CEP85L: variants seen among roughly 807,000 people sequenced by gnomAD.
CEP85L encodes centrosomal protein of 85 kDa-like.
A neutral mutation model predicts 100.3 loss-of-function variants in CEP85L; 60 were observed. The observed-to-expected ratio is 0.60, with a 90% CI of 0.49 to 0.74. The LOEUF (loss-of-function observed/expected upper bound fraction) is 0.74. Ranked by LOEUF, CEP85L falls within the 30% of genes least tolerant of loss-of-function variation. CEP85L has a pLI of 0.00. For missense variants in CEP85L, 973 were observed against 936.2 expected (o/e 1.04, Z -0.51); for synonymous variants, 319 against 322.7 (o/e 0.99, Z 0.12).
At chr6:118,551,878 G>T (rs1166473530) in intron 3 of CEP85L, among the ~76,000 whole-genome samples, 1 of 151,972 alleles carries the variant, frequency 6.6e-6, no homozygotes, top group Non-Finnish European at 1.5e-5. Context: ...GACTCCACTG[G>T]AGTGAACTTT....
chr6:118,651,455 G>A lies in CEP85L; in HGVS notation c.-186C>T, dbSNP rs1268317974. 1.5e-6 allele frequency: 2 copies of A among 1,319,446 alleles called. No homozygotes were observed. The highest frequency in any genetic ancestry group is 1.9e-6 in the Non-Finnish European group (2 of 1,037,856). The allele number at this position is 1,319,446 out of a possible 1,614,324, so 81.7% of individuals were successfully genotyped here. On this transcript the variant is annotated 5_prime_UTR_variant, in exon 1 of 13. Coordinates refer to ENST00000368491, the MANE Select transcript of CEP85L (RefSeq NM_001042475.3). ...GCGCAGGGGCCAGATTCGCCGCACTGCCGGCGCCTGCCATGGCCAAGCCGG... is the reference window on the plus strand; with the variant it reads ...GCGCAGGGGCCAGATTCGCCGCACTACCGGCGCCTGCCATGGCCAAGCCGG...
chr6:118,531,413 A>G (rs559537691), intron 3 of CEP85L, among the ~76,000 whole-genome samples: 82 of 152,316 alleles, frequency 5.4e-4, no homozygotes, highest in Middle Eastern at 3.4e-3. Flanking sequence ...AAAACCCTGG[A>G]GAATAACCTA....
At chr6:118,618,802 T>C (rs555774663) in intron 2 of CEP85L, among the ~76,000 whole-genome samples, 10 of 152,272 alleles carry the variant, frequency 6.6e-5, no homozygotes, top group African/African-American at 2.4e-4. Context: ...AATTCAGAGA[T>C]TCCTCCTTGA....
chr6:118,518,473 C>A (rs1272063767), intron 4 of CEP85L, among the ~76,000 whole-genome samples: 1 of 152,114 alleles, frequency 6.6e-6, no homozygotes, highest in Non-Finnish European at 1.5e-5. Flanking sequence ...GTGTACGTGT[C>A]CAGGAATTTA....
rs71012391 is a variant in CEP85L, at chr6:118,542,900, C to CAAAAAAAAAAAAAAAAAAAAAAAAAAA, written c.1021-18981_1021-18980insTTTTTTTTTTTTTTTTTTTTTTTTTTT. On this transcript the variant is annotated intron_variant, in intron 3 of 12. Transcript: ENST00000368491. ...GAACTTCAACATCACCAAGTTTTCC[C>CAAAAAAAAAAAAAAAAAAAAAAAAAAA]AAAAAAAAAAAAAAAAAAAAAAACA... Among the ~76,000 whole-genome samples the CAAAAAAAAAAAAAAAAAAAAAAAAAAA allele has an allele frequency of 3.3e-4, 22 of 67,158 alleles. 1 individual carries two copies. The highest frequency in any genetic ancestry group is 4.4e-4 in the African/African-American group (8 of 18,234). The allele number at this position is 67,158 out of a possible 152,430, so 44.1% of individuals were successfully genotyped here. A position where few individuals can be genotyped will look rare whatever the true frequency, so the allele number is the denominator to read the frequency against.
chr6:118,547,749 C>G (rs763678585), intron 3 of CEP85L, among the ~76,000 whole-genome samples: 2 of 151,898 alleles, frequency 1.3e-5, no homozygotes, highest in East Asian at 3.8e-4. Flanking sequence ...TTTTTTAAAA[C>G]AAAAAGCAAT....
chr6:118,612,752 C>T (rs998983922), intron 2 of CEP85L, among the ~76,000 whole-genome samples: 5 of 142,950 alleles, frequency 3.5e-5, no homozygotes, highest in African/African-American at 1.0e-4. Context: ...AAGAGTTCAA[C>T]AGACCCAAAG....
chr6:118,519,476 C>CGG (rs112109156), intron 4 of CEP85L, among the ~76,000 whole-genome samples: 1,202 of 11,768 alleles, frequency 0.1, 98 homozygotes, highest in Non-Finnish European at 0.16. Flanking sequence ...GTGTGTGTGG[C>CGG]GGGGGGGGGT....
chr6:118,665,735 C>T (rs1355051178), intron 1 of CEP85L, among the ~76,000 whole-genome samples: 1 of 152,152 alleles, frequency 6.6e-6, no homozygotes, highest in Admixed American at 6.5e-5. Flanking sequence ...GGTTCTTCAA[C>T]AGACTCTAGT....
Position 118,600,300 on chromosome 6 carries a change from G to GGGGGTGTGTGTGTGTGTGTGTGTGT in CEP85L, c.232+32152_232+32153insACACACACACACACACACACACCCC, listed in dbSNP as rs1562297733. 2.1e-4 allele frequency among the ~76,000 whole-genome samples: 11 copies of GGGGGTGTGTGTGTGTGTGTGTGTGT among 52,234 alleles called. 4 individuals carry two copies. Among genetic ancestry groups the GGGGGTGTGTGTGTGTGTGTGTGTGT allele is most frequent in the Non-Finnish European group, 4.4e-4 (11 of 24,784 alleles). 34.3% of individuals were successfully genotyped at this position (52,234 alleles called of 152,430 possible). Reference sequence around the variant, plus strand: ...CTGCCTGTCCCTGAGCCTTCCTGGGGGTGTGTGTGTGTGTGTGTGTGTGTG... The same window carrying GGGGGTGTGTGTGTGTGTGTGTGTGT: ...CTGCCTGTCCCTGAGCCTTCCTGGGGGGGGTGTGTGTGTGTGTGTGTGTGTGTGTGTGTGTGTGTGTGTGTGTGTG... On this transcript the variant is annotated intron_variant, in intron 2 of 12. Coordinates refer to ENST00000368491, the MANE Select transcript of CEP85L (RefSeq NM_001042475.3).
chr6:118,482,856 C>G (rs886771521), intron 7 of CEP85L, among the ~76,000 whole-genome samples: 2 of 152,068 alleles, frequency 1.3e-5, no homozygotes, highest in Non-Finnish European at 2.9e-5. Flanking sequence ...ACAGAGAATG[C>G]AACATAGGTC....
At chr6:118,543,193 TACAC>T (rs1778009603) in intron 3 of CEP85L, among the ~76,000 whole-genome samples, 1 of 152,084 alleles carries the variant, frequency 6.6e-6, no homozygotes, top group African/African-American at 2.4e-5. Context: ...TTTTTGATGT[TACAC>T]ACACGTCAAA....
At chr6:118,486,873 C>T (rs528678094) in intron 6 of CEP85L, among the ~76,000 whole-genome samples, 2 of 152,184 alleles carry the variant, frequency 1.3e-5, no homozygotes, top group South Asian at 2.1e-4. Context: ...TGTTTTTTCC[C>T]TAGTCTACCT....
chr6:118,465,550 T>C lies in CEP85L; in HGVS notation c.2273A>G (p.Glu758Gly), dbSNP rs1398531448. Residue 758 changes from glutamate to glycine, a missense_variant, in exon 13 of 13, where the codon GAA becomes GGA. By Grantham distance (98) the Glu-to-Gly change is moderately conservative (BLOSUM62 -2). Around this residue, in one of 3 missense-constraint regions of CEP85L, gnomAD observed 890 missense variants for 844.5 expected, o/e 1.05. Coordinates refer to ENST00000368491, the MANE Select transcript of CEP85L (RefSeq NM_001042475.3). ...TGTGCTGTGGTCATTCTCAGTCTCTTCAGCTGAACAGTTCATTGCTGTGTA... is the reference window on the plus strand; with the variant it reads ...TGTGCTGTGGTCATTCTCAGTCTCTCCAGCTGAACAGTTCATTGCTGTGTA... The part of the protein sequence containing the change: ...LGIRSMNCSA[E>G]ETENDHSTET... 1.9e-6 allele frequency: 3 copies of C among 1,613,132 alleles called. No homozygotes were observed. The African/African-American group carries it at 4.0e-5, about 22-fold the overall frequency.
chr6:118,672,015 A>G (rs1280863932), intron 1 of CEP85L, among the ~76,000 whole-genome samples: 1 of 152,028 alleles, frequency 6.6e-6, no homozygotes, highest in Non-Finnish European at 1.5e-5. Flanking sequence ...TTTACAAATA[A>G]TTTGACGTAT....
At chr6:118,697,737 T>C (rs1402908529) in intron 1 of CEP85L, among the ~76,000 whole-genome samples, 3 of 152,188 alleles carry the variant, frequency 2.0e-5, no homozygotes, top group Non-Finnish European at 4.4e-5. Context: ...TCTCAGGACA[T>C]GCTCAGATGC....
chr6:118,657,825 G>A (rs1341167897), intron 1 of CEP85L, among the ~76,000 whole-genome samples: 3 of 152,198 alleles, frequency 2.0e-5, no homozygotes, highest in Non-Finnish European at 4.4e-5. Context: ...ATGTCAATAG[G>A]ATTTTAATTC....
intron 5 of CEP85L, among the ~76,000 whole-genome samples, chr6:118,504,097 G>T (rs117940740): frequency 0.017 from 2,602 of 152,218 alleles, 37 homozygotes; most frequent in Middle Eastern, 0.068. Context: ...TAATAGGCCG[G>T]GCGCGGTAGC....
At position 118,469,388 on chromosome 6, in the gene CEP85L, G is replaced by A. The variant is rs567310018; in HGVS notation, c.2023-85C>T. 5 of 1,020,914 alleles carry A rather than the reference G, an allele frequency of 4.9e-6. No homozygotes were observed. The African/African-American group carries it at 6.4e-5, about 13-fold the overall frequency. The allele number at this position is 1,020,914 out of a possible 1,614,324, so 63.2% of individuals were successfully genotyped here. On this transcript the variant is annotated intron_variant, in intron 11 of 12. Transcript: ENST00000368491. ...CATACAGGTTAACATTCTCCCCCAA[G>A]TCTATAAACAAAACGATGGAGTCAT...
Sources: allele counts gnomAD v4.1 joint callset (sites outside exome capture counted in the v4.1 genomes callset), GRCh38; gene constraint gnomAD v4.1.1; regional missense constraint gnomAD v4.1.1; transcripts MANE v1.5; gene names NCBI Gene and HGNC (gene_info 2026-07-23, HGNC 2026-07-21).